CPQ: variants seen among roughly 807,000 people sequenced by gnomAD.
The protein encoded by CPQ is carboxypeptidase Q.
A neutral mutation model predicts 45.7 loss-of-function variants in CPQ; 37 were observed. The ratio of observed to expected loss-of-function variants is 0.81; its 90% CI spans 0.62 to 1.07. The LOEUF (loss-of-function observed/expected upper bound fraction) is 1.07, where lower values mean the gene tolerates loss of function less well. Among genes scored for constraint, CPQ ranks in the 50% least tolerant of loss-of-function variants. The pLI is 0.00. For missense variants in CPQ, 537 were observed against 572.9 expected, an observed-to-expected ratio of 0.94 and a Z score of 0.64; for synonymous variants, 186 against 205.8, an observed-to-expected ratio of 0.90 and a Z score of 0.82.
chr8:96,666,295 G>A (rs569473079), intron 1 of CPQ, among the ~76,000 whole-genome samples: 9 of 152,182 alleles, frequency 5.9e-5, no homozygotes, highest in Non-Finnish European at 1.3e-4. Context: ...ATGCTTACAG[G>A]GGTGTTATTT....
intron 4 of CPQ, among the ~76,000 whole-genome samples, chr8:96,933,713 A>G (rs1008009076): frequency 6.6e-6 from 1 of 152,098 alleles, no homozygotes; most frequent in Non-Finnish European, 1.5e-5. Context: ...ATGTTGCAAG[A>G]TGGAGCCAAT....
At chr8:97,111,203 A>G (rs1016696720) in intron 7 of CPQ, among the ~76,000 whole-genome samples, 2 of 151,808 alleles carry the variant, frequency 1.3e-5, no homozygotes, top group Non-Finnish European at 2.9e-5. Flanking sequence ...CCTCCTCCAT[A>G]CCTTTTCCCA....
chr8:97,076,520 C>A (rs538744896), intron 7 of CPQ, among the ~76,000 whole-genome samples: 1 of 152,156 alleles, frequency 6.6e-6, no homozygotes, highest in East Asian at 1.9e-4. Flanking sequence ...CTGATATATC[C>A]CAAGTTTCTT....
intron 7 of CPQ, among the ~76,000 whole-genome samples, chr8:97,116,421 A>C (rs1811595455): frequency 6.6e-6 from 1 of 152,234 alleles, no homozygotes; most frequent in African/African-American, 2.4e-5. Context: ...TTTCTAACCA[A>C]GGTCTTAAAT....
In CPQ at chr8:96,871,606, A is replaced by G. The variant is rs1812069038; in HGVS notation, c.642-8192A>G. Among the ~76,000 whole-genome samples, 4 of 133,026 alleles carry G rather than the reference A, an allele frequency of 3.0e-5. No individual in the cohort carries two copies. In the South Asian group the frequency reaches 9.7e-4, roughly 32 times the overall value. 87.3% of individuals were successfully genotyped at this position (133,026 alleles called of 152,430 possible). On this transcript the variant is annotated intron_variant, in intron 3 of 7. Transcript: ENST00000220763. ...AAGAATTTAAGTCTGTTTATTGGTGATGCTGCAGTTTGCTTGATTACAGTT... is the reference window on the plus strand; with the variant it reads ...AAGAATTTAAGTCTGTTTATTGGTGGTGCTGCAGTTTGCTTGATTACAGTT...
At chr8:96,869,028 A>C (rs1812030865) in intron 3 of CPQ, among the ~76,000 whole-genome samples, 1 of 152,012 alleles carries the variant, frequency 6.6e-6, no homozygotes, top group Non-Finnish European at 1.5e-5. Context: ...GTCTAAACAC[A>C]TATTCTAATG....
chr8:96,728,837 C>T (rs913440069), intron 1 of CPQ, among the ~76,000 whole-genome samples: 2 of 151,940 alleles, frequency 1.3e-5, no homozygotes, highest in African/African-American at 4.8e-5. Context: ...CCATACAAGT[C>T]GATTAGCTTA....
At chr8:96,660,339 C>T (rs1189659414) in intron 1 of CPQ, among the ~76,000 whole-genome samples, 1 of 152,150 alleles carries the variant, frequency 6.6e-6, no homozygotes, top group African/African-American at 2.4e-5. Flanking sequence ...CTTATATGGA[C>T]ACCAGTCAGA....
intron 1 of CPQ, among the ~76,000 whole-genome samples, chr8:96,728,657 G>A (rs1809873492): frequency 6.6e-6 from 1 of 152,112 alleles, no homozygotes; most frequent in South Asian, 2.1e-4. Context: ...AATAAAGAAA[G>A]TGCTTCATAA....
chr8:97,069,235 T>C (rs117832841), intron 7 of CPQ, among the ~76,000 whole-genome samples: 1 of 152,300 alleles, frequency 6.6e-6, no homozygotes, highest in East Asian at 1.9e-4. Context: ...TACTGCTGTC[T>C]TCCTTTTATT....
chr8:96,949,648 C>T lies in CPQ; in HGVS notation c.850-16287C>T, dbSNP rs374336345. On this transcript the variant is annotated intron_variant, in intron 4 of 7. Coordinates refer to ENST00000220763, the MANE Select transcript of CPQ (RefSeq NM_016134.4). ...TATAAAACTGCTTCTCTTAGTGTGT[C>T]GTGTTTTTTGTTGTTGTAGTTGTAG... Among the ~76,000 whole-genome samples, 11 of 152,186 alleles carry T rather than the reference C, an allele frequency of 7.2e-5. No individual in the cohort carries two copies. The East Asian group carries it at 1.7e-3, about 24-fold the overall frequency.
chr8:97,119,055 G>A (rs2513414), intron 7 of CPQ, among the ~76,000 whole-genome samples: 37,742 of 151,912 alleles, frequency 0.25, 4,810 homozygotes, highest in South Asian at 0.34. Context: ...AGGACCAGGC[G>A]TGGTGGCTCA....
At chr8:97,005,937 C>G (rs1809374168) in intron 5 of CPQ, among the ~76,000 whole-genome samples, 1 of 152,164 alleles carries the variant, frequency 6.6e-6, no homozygotes, top group Non-Finnish European at 1.5e-5. Flanking sequence ...AAGATCATTG[C>G]CTATTTTATA....
At chr8:96,849,279 T>C (rs1393879557) in intron 3 of CPQ, among the ~76,000 whole-genome samples, 1 of 152,204 alleles carries the variant, frequency 6.6e-6, no homozygotes, top group Non-Finnish European at 1.5e-5. Flanking sequence ...TAAGTAGGAA[T>C]TAATGAGGAT....
intron 7 of CPQ, among the ~76,000 whole-genome samples, chr8:97,142,468 C>T (rs1812183674): frequency 6.6e-6 from 1 of 152,178 alleles, no homozygotes; most frequent in East Asian, 1.9e-4. Context: ...AGAAGGAAAA[C>T]TTGAACAAAG....
At chr8:96,982,613 G>A (rs1333606663) in intron 5 of CPQ, among the ~76,000 whole-genome samples, 1 of 152,208 alleles carries the variant, frequency 6.6e-6, no homozygotes, top group Non-Finnish European at 1.5e-5. Flanking sequence ...AAAGTGCTGG[G>A]ATTACAGGTG....
intron 5 of CPQ, among the ~76,000 whole-genome samples, chr8:96,977,596 C>T (rs895734851): frequency 5.3e-5 from 8 of 152,090 alleles, no homozygotes; most frequent in African/African-American, 1.9e-4. Flanking sequence ...CCCAAATGAC[C>T]ATCAATCAAT....
chr8:96,847,269 C>T (rs1038000682), intron 3 of CPQ, among the ~76,000 whole-genome samples: 6 of 152,290 alleles, frequency 3.9e-5, no homozygotes, highest in African/African-American at 7.2e-5. Flanking sequence ...TTTTAACATC[C>T]GTTGATGACC....
intron 1 of CPQ, among the ~76,000 whole-genome samples, chr8:96,784,466 A>T (rs367938727): frequency 6.6e-6 from 1 of 152,012 alleles, no homozygotes; most frequent in Non-Finnish European, 1.5e-5. Context: ...GAGGAGTCTG[A>T]CAGGCAAAGA....
Sources: gnomAD v4.1 joint callset for allele counts (sites outside exome capture counted in the v4.1 genomes callset) on GRCh38, gnomAD v4.1.1 for gene constraint, MANE v1.5 for transcripts, NCBI Gene and HGNC (gene_info 2026-07-23, HGNC 2026-07-21) for gene names.